Variants in DRC9 observed in about 807,000 individuals in gnomAD.
DRC9 encodes dynein regulatory complex protein 9.
chr3:197,928,465 C>T, the DRC9 span, among the ~76,000 whole-genome samples: 2 of 151,852 alleles, frequency 1.3e-5, no homozygotes, highest in Admixed American at 6.6e-5. Context: ...TCTCCTGCCT[C>T]AGCTTCCTGA....
At chr3:197,950,301 T>A in the DRC9 span, 1 of 1,230,058 alleles carries the variant, frequency 8.1e-7, no homozygotes, top group Middle Eastern at 3.1e-4. Context: ...GAGTCGCCGG[T>A]GCGTATCGGA....
At chr3:197,947,348 C>T in the DRC9 span, among the ~76,000 whole-genome samples, 1 of 152,212 alleles carries the variant, frequency 6.6e-6, no homozygotes, top group South Asian at 2.1e-4. Context: ...TCCCTAGAAC[C>T]CTTCAATGGT....
At chr3:197,896,044 T>TAA in the DRC9 span, among the ~76,000 whole-genome samples, 21 of 112,046 alleles carry the variant, frequency 1.9e-4, no homozygotes, top group African/African-American at 6.6e-4. Flanking sequence ...AATGAAAAGT[T>TAA]AAAAAAAAAA....
At chr3:197,892,880 C>G in the DRC9 span, 4 of 1,267,586 alleles carry the variant, frequency 3.2e-6, no homozygotes, top group Admixed American at 5.9e-5. Context: ...GAAGGCAGAA[C>G]AGTAGTTACT....
At chr3:197,895,564 C>A in the DRC9 span, among the ~76,000 whole-genome samples, 3 of 152,054 alleles carry the variant, frequency 2.0e-5, no homozygotes, top group African/African-American at 7.2e-5. Context: ...CCATGCCCAG[C>A]CTATTTATAC....
At chr3:197,927,308 C>A in the DRC9 span, among the ~76,000 whole-genome samples, 3 of 152,198 alleles carry the variant, frequency 2.0e-5, no homozygotes, top group Non-Finnish European at 2.9e-5. Context: ...CTCATTGCAA[C>A]CTCCGCCTCC....
the DRC9 span, among the ~76,000 whole-genome samples, chr3:197,934,639 G>A: frequency 3.6e-4 from 55 of 152,090 alleles, no homozygotes; most frequent in African/African-American, 1.3e-3. Flanking sequence ...GTTTCCTAAC[G>A]CGTAGTCCGC....
At chr3:197,904,087 CATATATAT>C in the DRC9 span, among the ~76,000 whole-genome samples, 5 of 42,464 alleles carry the variant, frequency 1.2e-4, no homozygotes, top group African/African-American at 5.6e-4. Flanking sequence ...TATATACATA[CATATATAT>C]ATATATATAT....
the DRC9 span, among the ~76,000 whole-genome samples, chr3:197,921,180 G>A: frequency 9.3e-5 from 12 of 128,348 alleles, no homozygotes; most frequent in Non-Finnish European, 1.6e-4. Context: ...TGGTCGACCC[G>A]ACTACTGGTT....
At chr3:197,953,726 T>C in the DRC9 span, 1 of 513,882 alleles carries the variant, frequency 1.9e-6, no homozygotes, top group South Asian at 2.0e-5. Flanking sequence ...TTTTTCAATA[T>C]TGCCTCTGTT....
chr3:197,941,327 CCT>C, the DRC9 span, among the ~76,000 whole-genome samples: 39 of 100,308 alleles, frequency 3.9e-4, 1 homozygote, highest in Admixed American at 7.8e-4. Flanking sequence ...TTCCTTCCTT[CCT>C]CTCTCTCTCC....
At chr3:197,902,570 A>G in the DRC9 span, among the ~76,000 whole-genome samples, 2,862 of 152,108 alleles carry the variant, frequency 0.019, 51 homozygotes, top group Non-Finnish European at 0.031. Context: ...AATGCAATTG[A>G]CATATTGAAG....
At chr3:197,911,500 C>G in the DRC9 span, among the ~76,000 whole-genome samples, 1 of 152,046 alleles carries the variant, frequency 6.6e-6, no homozygotes, top group Non-Finnish European at 1.5e-5. Flanking sequence ...TAAACTGTGG[C>G]ACAACCATTC....
At chr3:197,936,145 C>T in the DRC9 span, among the ~76,000 whole-genome samples, 3 of 151,330 alleles carry the variant, frequency 2.0e-5, no homozygotes, top group South Asian at 4.2e-4. Flanking sequence ...GCCTGGGCGA[C>T]AGAGTAAGAC....
chr3:197,929,628 T>C, the DRC9 span, among the ~76,000 whole-genome samples: 3 of 151,776 alleles, frequency 2.0e-5, no homozygotes, highest in Non-Finnish European at 4.4e-5. The surrounding 1 kb of genome is among the most constrained non-coding windows in gnomAD (Gnocchi z 4.6). Context: ...CAAAAAAAAT[T>C]AGCTGGGCAT....
At chr3:197,933,686 A>G in the DRC9 span, among the ~76,000 whole-genome samples, 2 of 152,020 alleles carry the variant, frequency 1.3e-5, no homozygotes, top group African/African-American at 4.8e-5. Flanking sequence ...AGTCCCCTCA[A>G]TCTTCCCCAG....
chr3:197,892,965 G>A, the DRC9 span, among the ~76,000 whole-genome samples: 1 of 152,152 alleles, frequency 6.6e-6, no homozygotes, highest in Non-Finnish European at 1.5e-5. Flanking sequence ...AATGTTCTCT[G>A]TATCTTTATC....
chr3:197,913,916 T>TA, the DRC9 span: 2 of 1,614,182 alleles, frequency 1.2e-6, no homozygotes, highest in African/African-American at 1.3e-5. Context: ...TCTGTTCTGT[T>TA]ACACTTTTTC....
chr3:197,932,929 TA>T, the DRC9 span, among the ~76,000 whole-genome samples: 1 of 130,094 alleles, frequency 7.7e-6, no homozygotes, highest in Non-Finnish European at 1.6e-5. Context: ...TATTATGTAT[TA>T]TATATATGTA....
Sources: gnomAD v4.1 joint callset for allele counts (sites outside exome capture counted in the v4.1 genomes callset) on GRCh38, gnomAD v4.1.1 for gene constraint, Gnocchi (gnomAD v3.1) non-coding constraint, MANE v1.5 for transcripts, NCBI Gene and HGNC (gene_info 2026-07-23, HGNC 2026-07-21) for gene names.